SOX6: variants seen among roughly 807,000 people sequenced by gnomAD.
SOX6 encodes the protein transcription factor SOX-6.
Under a neutral mutation model 97.8 loss-of-function variants are expected in SOX6, and 11 were observed. The observed-to-expected ratio is 0.11, with a 90% confidence interval of 0.07 to 0.19. The LOEUF (loss-of-function observed/expected upper bound fraction) is 0.19, where lower values mean the gene tolerates loss of function less well. Ranked by LOEUF, SOX6 falls within the 10% of genes least tolerant of loss-of-function variation. SOX6 has a pLI of 1.00. For missense variants in SOX6, 810 were observed against 1,039.5 expected, an observed-to-expected ratio of 0.78 and a Z score of 3.04; for synonymous variants, 360 against 371.4, an observed-to-expected ratio of 0.97 and a Z score of 0.35.
chr11:16,331,306 G>T (rs1409808659), intron 2 of SOX6, among the ~76,000 whole-genome samples: 2 of 152,240 alleles, frequency 1.3e-5, no homozygotes, highest in African/African-American at 2.4e-5. Flanking sequence ...CCCAATCAAG[G>T]TTTGTCAAAT....
chr11:16,526,385 A>G (rs1861165255), intron 4 of SOX6, among the ~76,000 whole-genome samples: 1 of 152,024 alleles, frequency 6.6e-6, no homozygotes, highest in Non-Finnish European at 1.5e-5. Flanking sequence ...TCGCAAGGAC[A>G]AAAAACCAAA....
At chr11:16,184,115 A>T (rs1851411011) in intron 5 of SOX6, among the ~76,000 whole-genome samples, 161 bp from the exon 6 acceptor site, 1 of 152,150 alleles carries the variant, frequency 6.6e-6, no homozygotes, top group Admixed American at 6.6e-5. Context: ...GATGAAAGGA[A>T]AAATTTTTAA....
chr11:16,283,735 A>G, intron 3 of SOX6: 1 of 251,508 alleles, frequency 4.0e-6, no homozygotes, highest in Non-Finnish European at 7.9e-6. Flanking sequence ...CAAACCTATA[A>G]CAAAGAATGA....
intron 11 of SOX6, among the ~76,000 whole-genome samples, chr11:16,048,652 A>G: frequency 6.6e-6 from 1 of 152,168 alleles, no homozygotes; most frequent in East Asian, 1.9e-4. Context: ...TAAAGTAGGC[A>G]AGAATGTTTT....
chr11:16,279,646 A>C (rs928074492), intron 3 of SOX6, among the ~76,000 whole-genome samples: 1 of 152,080 alleles, frequency 6.6e-6, no homozygotes, highest in Admixed American at 6.6e-5. Context: ...TACATTTTCA[A>C]AATAACAGTA....
rs1325660704 is a variant in SOX6 at position 16,448,362 on chromosome 11, A to G, written c.-5+27953T>C. On this transcript the variant is annotated intron_variant, in intron 1 of 15. Transcript: ENST00000396356. Reference sequence around the variant, plus strand: ...TTTACTCATAACTCATCAAACTGTTATCTTGAAACTGACTAATCTTTAGAG... The same window carrying G: ...TTTACTCATAACTCATCAAACTGTTGTCTTGAAACTGACTAATCTTTAGAG... Among the ~76,000 whole-genome samples, 5 of 152,322 alleles carry G rather than the reference A, an allele frequency of 3.3e-5. No homozygotes were observed. The South Asian group carries it at 1.0e-3, about 32-fold the overall frequency.
chr11:16,099,704 T>C (rs1036033039), intron 7 of SOX6, among the ~76,000 whole-genome samples: 2 of 150,628 alleles, frequency 1.3e-5, no homozygotes, highest in South Asian at 2.1e-4. Context: ...TGCTATGAAA[T>C]AGCTTTTTTT....
At chr11:16,534,581 G>A (rs986102535) in intron 4 of SOX6, among the ~76,000 whole-genome samples, 2 of 152,250 alleles carry the variant, frequency 1.3e-5, no homozygotes, top group Middle Eastern at 6.8e-3. Context: ...TAGAAACAAT[G>A]ATGCCAATAG....
At chr11:16,172,883 T>C (rs976482131) in intron 6 of SOX6, among the ~76,000 whole-genome samples, 3 of 151,968 alleles carry the variant, frequency 2.0e-5, no homozygotes, top group Non-Finnish European at 4.4e-5. Context: ...ATCATCTTTC[T>C]GTCATTGTTC....
chr11:16,503,251 C>A (rs11529589), intron 4 of SOX6, among the ~76,000 whole-genome samples: 3 of 149,440 alleles, frequency 2.0e-5, no homozygotes, highest in Non-Finnish European at 1.5e-5. Context: ...ACATCTACCA[C>A]CATGAAAAAA....
intron 6 of SOX6, among the ~76,000 whole-genome samples, chr11:16,174,843 T>C (rs2134089231): frequency 1.3e-5 from 2 of 152,162 alleles, no homozygotes; most frequent in South Asian, 4.1e-4. Flanking sequence ...TTACCATCCT[T>C]CTAACTTCAC....
chr11:16,377,319 A>G (rs1316927983), intron 1 of SOX6, among the ~76,000 whole-genome samples: 1 of 152,128 alleles, frequency 6.6e-6, no homozygotes, highest in African/African-American at 2.4e-5. Context: ...TTCCTTGTTT[A>G]TATCTCAGTT....
At chr11:16,389,351 G>C (rs760976227) in intron 1 of SOX6, among the ~76,000 whole-genome samples, 1 of 152,154 alleles carries the variant, frequency 6.6e-6, no homozygotes, top group African/African-American at 2.4e-5. Context: ...CAAAGGAGAG[G>C]TGACATTGTA....
At chr11:16,641,243 T>C (rs1848908610) in intron 3 of SOX6, among the ~76,000 whole-genome samples, 1 of 152,198 alleles carries the variant, frequency 6.6e-6, no homozygotes, top group Non-Finnish European at 1.5e-5. Context: ...TAATCCTGAG[T>C]TCTAGTTTGA....
chr11:16,287,192 G>T (rs1854770576), intron 3 of SOX6, among the ~76,000 whole-genome samples: 1 of 151,774 alleles, frequency 6.6e-6, no homozygotes, highest in South Asian at 2.1e-4. Context: ...TGGGGGCAAA[G>T]AGATGCTATA....
chr11:16,088,870 C>A (rs1232209442), intron 9 of SOX6, among the ~76,000 whole-genome samples: 1 of 152,158 alleles, frequency 6.6e-6, no homozygotes, highest in African/African-American at 2.4e-5. Context: ...TAGTCAAATA[C>A]ACGGATATAT....
At chr11:16,002,140 GCAGCTTAAACAAA>G (rs1373153225) in intron 13 of SOX6, among the ~76,000 whole-genome samples, 1 of 152,174 alleles carries the variant, frequency 6.6e-6, no homozygotes, top group Non-Finnish European at 1.5e-5. Context: ...CCTGATGGAG[GCAGCTTAAACAAA>G]CACACGACCG....
intron 3 of SOX6, among the ~76,000 whole-genome samples, chr11:16,629,330 T>G (rs970656636): frequency 2.0e-5 from 3 of 152,242 alleles, no homozygotes; most frequent in African/African-American, 7.2e-5. Flanking sequence ...ATCAAAAGCT[T>G]TTTCCACATC....
At chr11:16,101,465 C>T (rs1051554276) in intron 7 of SOX6, among the ~76,000 whole-genome samples, 2 of 151,642 alleles carry the variant, frequency 1.3e-5, no homozygotes, top group Non-Finnish European at 3.0e-5. Flanking sequence ...AGAGTCTTGA[C>T]CTCAGAATTT....
Sources: gnomAD v4.1 joint callset for allele counts (sites outside exome capture counted in the v4.1 genomes callset) on GRCh38, gnomAD v4.1.1 for gene constraint, MANE v1.5 for transcripts, NCBI Gene and HGNC (gene_info 2026-07-23, HGNC 2026-07-21) for gene names.